NOXRED1: variants seen among roughly 807,000 people sequenced by gnomAD.
The protein encoded by NOXRED1 is NADP-dependent oxidoreductase domain-containing protein 1.
In NOXRED1, 20 loss-of-function variants were observed where a neutral mutation model predicts 30.4. That is an observed-to-expected ratio of 0.66 (90% confidence interval 0.46 to 0.96). The LOEUF (loss-of-function observed/expected upper bound fraction) is 0.96. Among genes scored for constraint, NOXRED1 ranks in the 40% least tolerant of loss-of-function variants. The pLI is 0.00. For synonymous variants in NOXRED1, 155 were observed against 168.0 expected, an observed-to-expected ratio of 0.92 and a Z score of 0.60; for missense variants, 374 against 428.0, an observed-to-expected ratio of 0.87 and a Z score of 1.11.
chr14:77,415,197 CA>C (rs1213315960), intron 1 of NOXRED1, among the ~76,000 whole-genome samples: 6 of 151,026 alleles, frequency 4.0e-5, no homozygotes, highest in Non-Finnish European at 8.9e-5. Context: ...CACACACACA[CA>C]CACACACACA....
chr14:77,400,075 G>A (rs1176571921), intron 5 of NOXRED1, among the ~76,000 whole-genome samples: 1 of 152,106 alleles, frequency 6.6e-6, no homozygotes, highest in African/African-American at 2.4e-5. Flanking sequence ...TATTTAAAGT[G>A]CAGGAAGAAA....
At chr14:77,424,752 AC>A (rs911543347), upstream of NOXRED1, among the ~76,000 whole-genome samples, 2 of 152,130 alleles carry the variant, frequency 1.3e-5, no homozygotes, top group African/African-American at 4.8e-5. Context: ...GTATTATGTC[AC>A]CTTGGCTAGG....
In NOXRED1 at chr14:77,395,007, T is replaced by C. The variant is rs576196103; in HGVS notation, c.906-202A>G. On this transcript the variant is annotated intron_variant, in intron 5 of 5. Coordinates refer to ENST00000380835, the MANE Select transcript of NOXRED1 (RefSeq NM_001113475.3). Reference sequence around the variant, plus strand: ...ACTTAATGGTGATTTCTCACACTTATGTACATTTCTCTAAGTGCATTTGGA... The same window carrying C: ...ACTTAATGGTGATTTCTCACACTTACGTACATTTCTCTAAGTGCATTTGGA... Among the ~76,000 whole-genome samples, 278 of 152,330 alleles carry C rather than the reference T, an allele frequency of 1.8e-3. 3 individuals carry two copies. Among genetic ancestry groups the C allele is most frequent in the South Asian group, 0.018 (88 of 4,826 alleles).
chr14:77,422,208 T>C (rs1217642898), intron 1 of NOXRED1, among the ~76,000 whole-genome samples: 1 of 152,200 alleles, frequency 6.6e-6, no homozygotes, highest in African/African-American at 2.4e-5. Flanking sequence ...CCTATTTAAG[T>C]GTCTGAAGCC....
chr14:77,425,188 C>T (rs563151780), upstream of NOXRED1, among the ~76,000 whole-genome samples: 7 of 152,282 alleles, frequency 4.6e-5, no homozygotes, highest in African/African-American at 9.6e-5. Context: ...CCCTTCTTCA[C>T]GGCCTTCCCT....
chr14:77,404,900 A>G (rs1414214206), intron 5 of NOXRED1, among the ~76,000 whole-genome samples: 1 of 152,234 alleles, frequency 6.6e-6, no homozygotes, highest in African/African-American at 2.4e-5. Flanking sequence ...ATTATCAAAG[A>G]TCAAAAATAT....
rs1351923281 is a variant in NOXRED1, at chr14:77,414,031, A to G, written c.252T>C (p.Gly84=). 1 of 1,612,524 alleles carries G rather than the reference A, an allele frequency of 6.2e-7. No individual in the cohort carries two copies. The highest frequency in any genetic ancestry group is 8.5e-7 in the Non-Finnish European group (1 of 1,178,808). The change falls in exon 2 of 6, where the codon GGT becomes GGC. Residue 84 remains glycine, a synonymous_variant. Coordinates refer to ENST00000380835, the MANE Select transcript of NOXRED1 (RefSeq NM_001113475.3). ...PEEFKVGIIG[G]GHLGKQLAGT... is the part of the protein sequence containing the mutation. ...CAGCCAGCTGCTTCCCAAGGTGGCC[A>G]CCTCCAATGATGCCCACCTTAAACT...
chr14:77,419,321 C>T (rs1566714718), intron 1 of NOXRED1, among the ~76,000 whole-genome samples: 1 of 151,924 alleles, frequency 6.6e-6, no homozygotes, highest in Non-Finnish European at 1.5e-5. Context: ...GATCTGCCCG[C>T]CTCGGCCTCC....
At chr14:77,400,507 C>T (rs1477462528) in intron 5 of NOXRED1, among the ~76,000 whole-genome samples, 1 of 152,154 alleles carries the variant, frequency 6.6e-6, no homozygotes, top group East Asian at 1.9e-4. Flanking sequence ...ATACAGGAGA[C>T]ATCAATCACT....
intron 5 of NOXRED1, among the ~76,000 whole-genome samples, chr14:77,398,017 G>GTAC (rs1200487006): frequency 6.6e-6 from 1 of 152,130 alleles, no homozygotes; most frequent in African/African-American, 2.4e-5. Context: ...TGTAAGAGAG[G>GTAC]TAGGGTCAAG....
chr14:77,419,603 C>A (rs1314548810), intron 1 of NOXRED1, among the ~76,000 whole-genome samples: 1 of 151,850 alleles, frequency 6.6e-6, no homozygotes, highest in Non-Finnish European at 1.5e-5. Context: ...CGCCCGCCAC[C>A]ACGCCCGGCT....
intron 5 of NOXRED1, among the ~76,000 whole-genome samples, chr14:77,396,025 T>C (rs1484351565): frequency 6.6e-6 from 1 of 151,876 alleles, no homozygotes; most frequent in Admixed American, 6.6e-5. Context: ...AAGGCCAGCC[T>C]GGGCAACATA....
rs558484443 is a variant in NOXRED1, at chr14:77,412,913, GA to G, written c.349+1020del. ...AGTGTCGATTACTGATATAATTAGA[GA>G]AAAAAAAAACACGGGAAGGAAATAA... On this transcript the variant is annotated intron_variant, in intron 2 of 5. Transcript: ENST00000380835. Among the ~76,000 whole-genome samples the G allele has an allele frequency of 3.8e-3, 562 of 147,216 alleles. 5 individuals are homozygous for G. The highest frequency in any genetic ancestry group is 0.014 in the Middle Eastern group (4 of 290).
intron 1 of NOXRED1, among the ~76,000 whole-genome samples, chr14:77,420,103 G>A (rs1336897822): frequency 6.6e-6 from 1 of 152,028 alleles, no homozygotes; most frequent in East Asian, 1.9e-4. Flanking sequence ...ATTCCCATAA[G>A]GCATATATTG....
intron 4 of NOXRED1, 92 bp from the exon 5 acceptor site, chr14:77,406,227 C>T: frequency 1.2e-6 from 1 of 812,438 alleles, no homozygotes; most frequent in Non-Finnish European, 2.0e-6. Flanking sequence ...GAATAGCCGC[C>T]TTTTTTCCAA....
At chr14:77,395,947 T>C (rs1014689454) in intron 5 of NOXRED1, among the ~76,000 whole-genome samples, 4 of 147,066 alleles carry the variant, frequency 2.7e-5, no homozygotes, top group African/African-American at 5.1e-5. Context: ...ACAGGCATGA[T>C]GGTGCGCACC....
At chr14:77,412,072 C>T (rs1894673159) in intron 2 of NOXRED1, among the ~76,000 whole-genome samples, 1 of 135,632 alleles carries the variant, frequency 7.4e-6, no homozygotes, top group Non-Finnish European at 1.5e-5. Context: ...ATCTGCACTC[C>T]AGCCTAGGTG....
At chr14:77,406,161 C>A (rs1486319243) in intron 4 of NOXRED1, 26 bp from the exon 5 acceptor site, 1 of 1,507,736 alleles carries the variant, frequency 6.6e-7, no homozygotes. Context: ...AAGGTAAATA[C>A]CAGTTAGCAC....
intron 1 of NOXRED1, among the ~76,000 whole-genome samples, chr14:77,421,097 A>G (rs1378255686): frequency 6.6e-6 from 1 of 152,244 alleles, no homozygotes; most frequent in Non-Finnish European, 1.5e-5. Flanking sequence ...AACAGTGGAC[A>G]AACATTCCAT....
Sources: allele counts gnomAD v4.1 joint callset (sites outside exome capture counted in the v4.1 genomes callset), GRCh38; gene constraint gnomAD v4.1.1; transcripts MANE v1.5; gene names NCBI Gene and HGNC (gene_info 2026-07-23, HGNC 2026-07-21).